Variants in EPHA8 observed in about 807,000 individuals in gnomAD.
EPHA8 encodes the protein ephrin type-A receptor 8.
Under a neutral mutation model 103.6 loss-of-function variants are expected in EPHA8, and 58 were observed. That is an observed-to-expected ratio of 0.56 (90% CI 0.45 to 0.70). The LOEUF (loss-of-function observed/expected upper bound fraction) is 0.70, where lower values mean the gene tolerates loss of function less well. Ranked by LOEUF, EPHA8 falls within the 30% of genes least tolerant of loss-of-function variation. EPHA8 has a pLI of 0.00. For synonymous variants in EPHA8, 559 were observed against 572.5 expected (o/e 0.98, Z 0.34); for missense variants, 1,304 against 1,395.2 (o/e 0.93, Z 1.04).
At chr1:22,586,780 T>TGGG (rs60727050) in intron 4 of EPHA8, 145 bp downstream of exon 4, 12,692 of 921,416 alleles carry the variant, frequency 0.014, 255 homozygotes, top group African/African-American at 0.091. Flanking sequence ...CAGTCTGAGG[T>TGGG]GGGGGGGGTG....
chr1:22,599,878 AGGGAGTGGGGG>A (rs1464469406), intron 13 of EPHA8, among the ~76,000 whole-genome samples: 1 of 60,582 alleles, frequency 1.7e-5, no homozygotes, highest in Non-Finnish European at 3.0e-5. Flanking sequence ...GGAAGGAGGG[AGGGAGTGGGGG>A]AGGAAGGAAG....
chr1:22,576,224 C>T lies in EPHA8; in HGVS notation c.167C>T (p.Ser56Phe). 6.2e-7 allele frequency: 1 copy of T among 1,607,090 alleles called. No individual in the cohort carries two copies. The highest frequency in any genetic ancestry group is 8.5e-7 in the Non-Finnish European group (1 of 1,175,864). The change falls in exon 3 of 17, where the codon TCC becomes TTC. Residue 56 changes from serine to phenylalanine, a missense_variant. Ser to Phe is a radical substitution (Grantham distance 155). Transcript: ENST00000166244. This position sits in a 1 kb window ranked among gnomAD's most constrained non-coding sequence, Gnocchi z 4.8. Reference sequence around the variant, plus strand: ...TGTTCTCTCTGCCCACAGTGGGACTCCATCAACGAGGTGGACGAGTCCTTC... The same window carrying T: ...TGTTCTCTCTGCCCACAGTGGGACTTCATCAACGAGGTGGACGAGTCCTTC... ...WLTYPAHGWD[S>F]INEVDESFQP... is the part of the protein sequence containing the mutation.
chr1:22,586,925 T>C (rs1484628177), intron 4 of EPHA8, among the ~76,000 whole-genome samples: 2 of 152,262 alleles, frequency 1.3e-5, no homozygotes, highest in East Asian at 3.9e-4. Context: ...TCTTCTGATC[T>C]AGCAGCGATG....
At chr1:22,599,885 G>A (rs1434500924) in intron 13 of EPHA8, among the ~76,000 whole-genome samples, 1 of 64,740 alleles carries the variant, frequency 1.5e-5, no homozygotes, top group African/African-American at 6.9e-5. Flanking sequence ...GGGAGGGAGT[G>A]GGGGAGGAAG....
chr1:22,572,524 G>A (rs1234375021), intron 2 of EPHA8, among the ~76,000 whole-genome samples: 1 of 152,224 alleles, frequency 6.6e-6, no homozygotes, highest in Non-Finnish European at 1.5e-5. Context: ...CGCATGCTGG[G>A]ACGTGCTCCG....
chr1:22,599,606 G>GCT (rs1641620851), intron 13 of EPHA8, among the ~76,000 whole-genome samples: 1 of 136,154 alleles, frequency 7.3e-6, no homozygotes, highest in African/African-American at 3.1e-5. Flanking sequence ...GTGGAGAGAG[G>GCT]GAGGGAGGGA....
Position 22,576,863 on chromosome 1 carries a change from G to A in EPHA8, c.806G>A (p.Arg269Gln), listed in dbSNP as rs139777546. 5.0e-5 allele frequency: 80 copies of A among 1,594,810 alleles called. No homozygotes were observed. The African/African-American group carries it at 1.0e-3, about 20-fold the overall frequency. Residue 269 changes from arginine (R) to glutamine (Q), a missense_variant, in exon 3 of 17, where the codon CGG becomes CAG. Physicochemically the swap from Arg to Gln is conservative, Grantham distance 43. Transcript: ENST00000166244. The surrounding 1 kb of genome is among the most constrained non-coding windows in gnomAD (Gnocchi z 4.8). ...KCVCSAGYEE[R>Q]RDACVACELG... Reference sequence around the variant, plus strand: ...GTGTGCAGTGCCGGCTACGAGGAGCGGCGGGATGCCTGTGTGGGTGAGCGC... The same window carrying A: ...GTGTGCAGTGCCGGCTACGAGGAGCAGCGGGATGCCTGTGTGGGTGAGCGC...
At position 22,596,149 on chromosome 1, in the gene EPHA8, A is replaced by C. The variant is rs754645453; in HGVS notation, c.1741A>C (p.Lys581Gln). The change falls in exon 9 of 17, where the codon AAG becomes CAG. Residue 581 changes from lysine to glutamine, a missense_variant. By Grantham distance (53) the Lys-to-Gln change is moderately conservative. Coordinates refer to ENST00000166244, the MANE Select transcript of EPHA8 (RefSeq NM_020526.5). ...GGCCTTCCAGGACTCGGACGAGGAG[A>C]AGATGCACTATCAGAATGGACAGGG... ...SKAFQDSDEE[K>Q]MHYQNGQAPP... is the part of the protein sequence containing the mutation. 5.0e-6 allele frequency: 8 copies of C among 1,613,928 alleles called. No homozygotes were observed. The highest frequency in any genetic ancestry group is 6.8e-6 in the Non-Finnish European group (8 of 1,179,960).
At chr1:22,568,410 C>T (rs1331729202) in intron 1 of EPHA8, among the ~76,000 whole-genome samples, 5 of 152,202 alleles carry the variant, frequency 3.3e-5, no homozygotes, top group Non-Finnish European at 7.3e-5. Context: ...TTCTGTTTCT[C>T]GGGCCCGAGC....
rs74531476 is a variant in EPHA8 at position 22,584,548 on chromosome 1, C to T, written c.824-1932C>T. On this transcript the variant is annotated intron_variant, in intron 3 of 16. Coordinates refer to ENST00000166244, the MANE Select transcript of EPHA8 (RefSeq NM_020526.5). ...TTTTAGCTTTTGTAATAAAGAGATA[C>T]GATCAACATCCAGAGAAGAAATGCT... 1.1e-3 allele frequency among the ~76,000 whole-genome samples: 163 copies of T among 152,278 alleles called. 2 individuals carry two copies. The East Asian group carries it at 0.025, about 24-fold the overall frequency.
intron 15 of EPHA8, 81 bp from the exon 16 acceptor site, chr1:22,601,219 A>T (rs759170025): frequency 1.3e-6 from 2 of 1,538,350 alleles, no homozygotes; most frequent in Non-Finnish European, 1.7e-6. Flanking sequence ...TGCCCTGCCG[A>T]ACCCCTTCCT....
intron 5 of EPHA8, 146 bp from the exon 6 acceptor site, chr1:22,593,180 G>A: frequency 7.9e-7 from 1 of 1,258,682 alleles, no homozygotes; most frequent in Non-Finnish European, 1.1e-6. Context: ...GAACTGGAGG[G>A]TGCTGGCTGT....
chr1:22,582,761 C>A (rs1569991601), intron 3 of EPHA8, among the ~76,000 whole-genome samples: 1 of 152,192 alleles, frequency 6.6e-6, no homozygotes, highest in African/African-American at 2.4e-5. Context: ...CACCCTGGTT[C>A]ACCCCAGAAA....
chr1:22,574,708 C>T (rs1479416675), intron 2 of EPHA8, among the ~76,000 whole-genome samples: 1 of 152,176 alleles, frequency 6.6e-6, no homozygotes, highest in Non-Finnish European at 1.5e-5. Context: ...ACTTGGGTTC[C>T]TTCTACGTTG....
At position 22,589,950 on chromosome 1, in the gene EPHA8, C is replaced by G. The variant is rs897733915; in HGVS notation, c.1315+744C>G. Among the ~76,000 whole-genome samples the G allele has an allele frequency of 1.3e-5, 2 of 152,088 alleles. No individual in the cohort carries two copies. The highest frequency in any genetic ancestry group is 4.8e-5 in the African/African-American group (2 of 41,394). Reference sequence around the variant, plus strand: ...GCCCACCACGTCACAGAGGAAGAAACTGAGGCCTGGAGAGCACCCAGGGCC... The same window carrying G: ...GCCCACCACGTCACAGAGGAAGAAAGTGAGGCCTGGAGAGCACCCAGGGCC... On this transcript the variant is annotated intron_variant, in intron 5 of 16. Coordinates refer to ENST00000166244, the MANE Select transcript of EPHA8 (RefSeq NM_020526.5). The surrounding 1 kb of genome is among the most constrained non-coding windows in gnomAD (Gnocchi z 4.3).
In EPHA8 at chr1:22,576,726, G is replaced by A; in HGVS notation, c.669G>A (p.Ser223=). 1.2e-6 allele frequency: 2 copies of A among 1,613,810 alleles called. No homozygotes were observed. The highest frequency in any genetic ancestry group is 2.2e-5 in the South Asian group (2 of 91,086). Reference sequence around the variant, plus strand: ...CGGAGGCAGTGACGGGGGCCGACTCGTCCTCACTGGTGGAGGTGAGGGGCC... The same window carrying A: ...CGGAGGCAGTGACGGGGGCCGACTCATCCTCACTGGTGGAGGTGAGGGGCC... The part of the protein sequence containing the change: ...AFSEAVTGAD[S]SSLVEVRGQC... The change falls in exon 3 of 17, where the codon TCG becomes TCA. Residue 223 remains serine (S), a synonymous_variant. Coordinates refer to ENST00000166244, the MANE Select transcript of EPHA8 (RefSeq NM_020526.5). This position sits in a 1 kb window ranked among gnomAD's most constrained non-coding sequence, Gnocchi z 4.8.
At chr1:22,577,824 ATGTGTGCG>A (rs985296227) in intron 3 of EPHA8, among the ~76,000 whole-genome samples, 19 of 136,706 alleles carry the variant, frequency 1.4e-4, no homozygotes, top group Middle Eastern at 8.6e-3. Flanking sequence ...ATGTGTGTGC[ATGTGTGCG>A]TGTGTGCATG....
rs568188132 is a variant in EPHA8 at position 22,593,756 on chromosome 1, G to A, written c.1603+70G>A. 75 of 1,449,410 alleles carry A rather than the reference G, an allele frequency of 5.2e-5. 1 individual carries two copies. Among genetic ancestry groups the A allele is most frequent in the East Asian group, 1.7e-4 (7 of 40,252 alleles). The allele number at this position is 1,449,410 out of a possible 1,614,324, so 89.8% of individuals were successfully genotyped here. ...AGGACCCTGGGGTCGGGGGGTGGCC[G>A]AGGAGAGAGCTAGTGCAGGCTGAGC... On this transcript the variant is annotated intron_variant, in intron 7 of 16. Transcript: ENST00000166244.
intron 15 of EPHA8, 39 bp downstream of exon 15, chr1:22,601,127 C>A: frequency 6.3e-7 from 1 of 1,576,100 alleles, no homozygotes. Context: ...GGCCCAGCTG[C>A]CTCCCAGTAT....
Sources: gnomAD v4.1 joint callset for allele counts (sites outside exome capture counted in the v4.1 genomes callset) on GRCh38, gnomAD v4.1.1 for gene constraint, Gnocchi (gnomAD v3.1) non-coding constraint, MANE v1.5 for transcripts, NCBI Gene and HGNC (gene_info 2026-07-23, HGNC 2026-07-21) for gene names.